Variants in TRDMT1 observed in about 807,000 individuals in gnomAD.
The protein encoded by TRDMT1 is tRNA aspartic acid methyltransferase 1.
In TRDMT1, 49 loss-of-function variants were observed where a neutral mutation model predicts 51.2. The observed-to-expected ratio is 0.96, with a 90% CI of 0.76 to 1.21. TRDMT1 has a LOEUF of 1.21. Ranked by LOEUF, TRDMT1 falls within the 50% of genes most tolerant of loss-of-function variation. TRDMT1 has a pLI of 0.00. For synonymous variants in TRDMT1, 187 were observed against 164.6 expected, an observed-to-expected ratio of 1.14 and a Z score of -1.04; for missense variants, 534 against 462.3, an observed-to-expected ratio of 1.16 and a Z score of -1.42.
intron 7 of TRDMT1, among the ~76,000 whole-genome samples, chr10:17,158,457 A>C (rs1322192341): frequency 6.6e-6 from 1 of 152,138 alleles, no homozygotes; most frequent in Non-Finnish European, 1.5e-5. Flanking sequence ...ATGGAAAGGG[A>C]GCAATATTAG....
At chr10:17,167,744 T>C (rs1267533220) in intron 3 of TRDMT1, among the ~76,000 whole-genome samples, 1 of 152,228 alleles carries the variant, frequency 6.6e-6, no homozygotes, top group African/African-American at 2.4e-5. Flanking sequence ...AAGTGCATGC[T>C]TAACTAGCTT....
intron 9 of TRDMT1, 84 bp downstream of exon 9, chr10:17,154,593 T>C: frequency 9.5e-7 from 1 of 1,049,206 alleles, no homozygotes; most frequent in Non-Finnish European, 1.3e-6. Context: ...GTTGAATGCA[T>C]AAAATTATTC....
chr10:17,195,441 C>T (rs189136684), intron 1 of TRDMT1, among the ~76,000 whole-genome samples: 7 of 152,000 alleles, frequency 4.6e-5, no homozygotes, highest in Admixed American at 3.3e-4. Context: ...CAATAGACAC[C>T]GGGGACTACT....
At position 17,146,231 on chromosome 10, in the gene TRDMT1, T is replaced by C. The variant is rs1289240593; in HGVS notation, c.*2809A>G. 5 of 985,372 alleles carry C rather than the reference T, an allele frequency of 5.1e-6. No individual in the cohort carries two copies. Among genetic ancestry groups the C allele is most frequent in the Non-Finnish European group, 6.0e-6 (5 of 829,950 alleles). 61.0% of individuals were successfully genotyped at this position (985,372 alleles called of 1,614,324 possible). ...TGTTCACAATTTCAACTACTGTTTT[T>C]GCCTCTTTAGAAGGCTCTCCTTTTT... is the stretch of plus-strand genomic sequence containing the variant. On this transcript the variant is annotated 3_prime_UTR_variant, in exon 11 of 11. Coordinates refer to ENST00000377799, the MANE Select transcript of TRDMT1 (RefSeq NM_004412.7).
chr10:17,194,449 A>G (rs1845105558), intron 1 of TRDMT1, among the ~76,000 whole-genome samples: 1 of 152,220 alleles, frequency 6.6e-6, no homozygotes, highest in Non-Finnish European at 1.5e-5. Flanking sequence ...AGAAACTTAA[A>G]CAACTGAACA....
intron 1 of TRDMT1, among the ~76,000 whole-genome samples, chr10:17,185,082 A>G (rs991681594): frequency 2.0e-5 from 3 of 152,166 alleles, no homozygotes; most frequent in African/African-American, 7.2e-5. Context: ...CGCACCATAG[A>G]ATTTTCTGAG....
At chr10:17,166,493 C>G (rs1588567414) in intron 3 of TRDMT1, among the ~76,000 whole-genome samples, 1 of 152,002 alleles carries the variant, frequency 6.6e-6, no homozygotes, top group East Asian at 1.9e-4. Flanking sequence ...ACGTTGTGCA[C>G]ATGTACCCTA....
chr10:17,151,054 T>C (rs1838647381), intron 10 of TRDMT1: 1 of 946,662 alleles, frequency 1.1e-6, no homozygotes, highest in South Asian at 4.9e-5. Flanking sequence ...TAAATCTAAA[T>C]TATTAGGTTG....
intron 1 of TRDMT1, among the ~76,000 whole-genome samples, chr10:17,196,877 G>T (rs1845518054): frequency 6.6e-6 from 1 of 152,184 alleles, no homozygotes; most frequent in East Asian, 1.9e-4. Flanking sequence ...AGCAATGGAA[G>T]AACTTAAACA....
chr10:17,183,799 T>C (rs764794382), intron 1 of TRDMT1, among the ~76,000 whole-genome samples: 1 of 152,234 alleles, frequency 6.6e-6, no homozygotes, highest in African/African-American at 2.4e-5. Flanking sequence ...ATGCTGCTCT[T>C]GGTTTTGACC....
At position 17,164,728 on chromosome 10, in the gene TRDMT1, GACAA is replaced by G. The variant is rs1330926757; in HGVS notation, c.252-2495_252-2492del. On this transcript the variant is annotated intron_variant, in intron 3 of 10. Transcript: ENST00000377799. ...CAAGCATTCTTATACACCAATAAAA[GACAA>G]ACAGAGAGCCAAATCATGAGTGAAC... 3.9e-5 allele frequency among the ~76,000 whole-genome samples: 6 copies of G among 152,212 alleles called. No individual in the cohort carries two copies. In the East Asian group the frequency reaches 5.8e-4, roughly 15 times the overall value.
At chr10:17,157,850 T>C in intron 7 of TRDMT1, 66 bp from the exon 8 acceptor site, 4 of 1,267,934 alleles carry the variant, frequency 3.2e-6, no homozygotes, top group Non-Finnish European at 3.2e-6. Flanking sequence ...ATTAACAATG[T>C]CCAGTCAACA....
chr10:17,175,444 T>G (rs56808299), intron 1 of TRDMT1, among the ~76,000 whole-genome samples: 4,480 of 152,256 alleles, frequency 0.029, 205 homozygotes, highest in African/African-American at 0.1. Context: ...CGTAGCTATA[T>G]TTTACAATGA....
chr10:17,186,778 G>C (rs183997178), intron 1 of TRDMT1, among the ~76,000 whole-genome samples: 2 of 152,262 alleles, frequency 1.3e-5, no homozygotes, highest in Admixed American at 1.3e-4. Flanking sequence ...TGAATGATCT[G>C]AATGTCCCAG....
intron 1 of TRDMT1, among the ~76,000 whole-genome samples, chr10:17,194,300 G>GC (rs1564347262): frequency 4.6e-5 from 7 of 152,110 alleles, no homozygotes; most frequent in Non-Finnish European, 8.8e-5. Flanking sequence ...AACAAAAATT[G>GC]ACAAGTGGGA....
chr10:17,151,107 T>C, intron 10 of TRDMT1: 1 of 774,770 alleles, frequency 1.3e-6, no homozygotes, highest in African/African-American at 1.9e-5. Context: ...GTAAAGCATC[T>C]GTGCATATTT....
chr10:17,194,019 C>T (rs1845046749), intron 1 of TRDMT1, among the ~76,000 whole-genome samples: 1 of 152,138 alleles, frequency 6.6e-6, no homozygotes, highest in Non-Finnish European at 1.5e-5. Context: ...CACCTACAGT[C>T]ATCTGATCTT....
Position 17,153,588 on chromosome 10 carries a change from T to C in TRDMT1, c.994A>G (p.Ile332Val), listed in dbSNP as rs1296397294. 6.8e-6 allele frequency: 11 copies of C among 1,609,682 alleles called. No individual in the cohort carries two copies. The highest frequency in any genetic ancestry group is 3.3e-5 in the South Asian group (3 of 90,094). ...SLTNLSQEEQ[I>V]TKLLILKLRY... ...AGTTTAAGTATTAACAGCTTTGTTATCTGTTCTTCTTGTGACAAATTGGTA... is the reference window on the plus strand; with the variant it reads ...AGTTTAAGTATTAACAGCTTTGTTACCTGTTCTTCTTGTGACAAATTGGTA... Residue 332 changes from isoleucine (I) to valine (V), a missense_variant, in exon 10 of 11, where the codon ATA (isoleucine) becomes GTA (valine). Transcript: ENST00000377799.
In TRDMT1 at chr10:17,148,864, G is replaced by A; in HGVS notation, c.*176C>T. ...AATAGTTCGTATTTTATAAAATACA[G>A]TAATATAAATTTGATGAAACACATG... On this transcript the variant is annotated 3_prime_UTR_variant, in exon 11 of 11. Transcript: ENST00000377799. The A allele has an allele frequency of 3.3e-6, 4 of 1,218,314 alleles. No homozygotes were observed. The highest frequency in any genetic ancestry group is 3.2e-6 in the Non-Finnish European group (3 of 945,696). 75.5% of individuals were successfully genotyped at this position (1,218,314 alleles called of 1,614,324 possible). A position where few individuals can be genotyped will look rare whatever the true frequency, so the allele number is the denominator to read the frequency against.
Sources: gnomAD v4.1 joint callset for allele counts (sites outside exome capture counted in the v4.1 genomes callset) on GRCh38, gnomAD v4.1.1 for gene constraint, MANE v1.5 for transcripts, NCBI Gene and HGNC (gene_info 2026-07-23, HGNC 2026-07-21) for gene names.